CNTN6: variants seen among roughly 807,000 people sequenced by gnomAD.
The protein encoded by CNTN6 is contactin-6.
A neutral mutation model predicts 122.8 loss-of-function variants in CNTN6; 137 were observed. The observed-to-expected ratio is 1.12, with a 90% confidence interval of 0.97 to 1.29. The LOEUF (loss-of-function observed/expected upper bound fraction) is 1.29. Ranked by LOEUF, CNTN6 falls within the 50% of genes most tolerant of loss-of-function variation. The pLI is 0.00. For synonymous variants in CNTN6, 570 were observed against 426.0 expected (o/e 1.34, Z -4.16); for missense variants, 1,634 against 1,223.4 (o/e 1.34, Z -5.01).
chr3:1,105,100 A>G (rs924443130), intron 1 of CNTN6, among the ~76,000 whole-genome samples: 4 of 152,136 alleles, frequency 2.6e-5, no homozygotes, highest in Non-Finnish European at 5.9e-5. Context: ...ATATTACTAA[A>G]TTGTCCTTTA....
chr3:1,364,134 C>T (rs890647753), intron 12 of CNTN6, among the ~76,000 whole-genome samples: 20 of 151,718 alleles, frequency 1.3e-4, no homozygotes, highest in East Asian at 5.8e-4. Context: ...TAAAGAGCAA[C>T]GGAAAGGACT....
intron 2 of CNTN6, among the ~76,000 whole-genome samples, chr3:1,184,714 A>G (rs1417538020): frequency 6.6e-6 from 1 of 152,162 alleles, no homozygotes; most frequent in Non-Finnish European, 1.5e-5. Flanking sequence ...AAAATTAATA[A>G]TAACTATTTG....
chr3:1,247,643 T>C (rs566077046), intron 4 of CNTN6, among the ~76,000 whole-genome samples: 1 of 152,182 alleles, frequency 6.6e-6, no homozygotes. Flanking sequence ...ATAACAACTG[T>C]TTCTGTGAGT....
intron 11 of CNTN6, among the ~76,000 whole-genome samples, chr3:1,344,760 A>G (rs1028566446): frequency 5.9e-5 from 9 of 152,220 alleles, no homozygotes; most frequent in African/African-American, 2.2e-4. Flanking sequence ...AGAGATGAAT[A>G]TAATATTTAA....
chr3:1,388,259 C>A (rs28812317), intron 20 of CNTN6, among the ~76,000 whole-genome samples: 1 of 149,142 alleles, frequency 6.7e-6, no homozygotes, highest in Non-Finnish European at 1.5e-5. Flanking sequence ...TGACCCCTGA[C>A]CCCCGAGCAG....
At chr3:1,181,055 A>G (rs922301387) in intron 2 of CNTN6, among the ~76,000 whole-genome samples, 1 of 151,798 alleles carries the variant, frequency 6.6e-6, no homozygotes, top group Non-Finnish European at 1.5e-5. Flanking sequence ...TTACAACTTC[A>G]TGTTAATCAA....
At chr3:1,102,531 C>A (rs1330138918) in intron 1 of CNTN6, among the ~76,000 whole-genome samples, 1 of 151,216 alleles carries the variant, frequency 6.6e-6, no homozygotes, top group African/African-American at 2.4e-5. Flanking sequence ...GAGATCGAGA[C>A]CATCCTGGCT....
Position 1,372,969 on chromosome 3 carries a change from G to A in CNTN6, c.1786+14G>A. ...TCATTGTTAGAGGTAAGCATAAATG[G>A]TGAAAAAGTGATCACATTGTTTCTT... On this transcript the variant is annotated intron_variant, in intron 14 of 22. Transcript: ENST00000446702. 2 of 1,390,876 alleles carry A rather than the reference G, an allele frequency of 1.4e-6. No individual in the cohort carries two copies. Among genetic ancestry groups the A allele is most frequent in the Non-Finnish European group, 1.0e-6 (1 of 989,846 alleles). The allele number at this position is 1,390,876 out of a possible 1,614,324, so 86.2% of individuals were successfully genotyped here. A position where few individuals can be genotyped will look rare whatever the true frequency, so the allele number is the denominator to read the frequency against.
intron 11 of CNTN6, among the ~76,000 whole-genome samples, chr3:1,332,711 A>G (rs1404947465): frequency 6.6e-6 from 1 of 152,058 alleles, no homozygotes; most frequent in African/African-American, 2.4e-5. Context: ...ATAGAACTTC[A>G]TATGTAAAAT....
chr3:1,278,309 G>A (rs1317044491), intron 4 of CNTN6, 104 bp from the exon 5 acceptor site: 4 of 739,656 alleles, frequency 5.4e-6, no homozygotes, highest in Non-Finnish European at 8.6e-6. Context: ...AGCAAAGTAT[G>A]AGATTAATTC....
chr3:1,259,938 A>G lies in CNTN6; in HGVS notation c.359-18475A>G, dbSNP rs139937844. Among the ~76,000 whole-genome samples the G allele has an allele frequency of 7.4e-3, 1,125 of 152,284 alleles. 5 individuals carry two copies. Among genetic ancestry groups the G allele is most frequent in the Non-Finnish European group, 0.011 (759 of 68,014 alleles). ...GAGGAATAAAGAAATTCTGTGTTTA[A>G]ATGATATGTTAAAACTGCTTTGAAT... is the stretch of plus-strand genomic sequence containing the variant. On this transcript the variant is annotated intron_variant, in intron 4 of 22. Coordinates refer to ENST00000446702, the MANE Select transcript of CNTN6 (RefSeq NM_001289080.2).
intron 2 of CNTN6, among the ~76,000 whole-genome samples, chr3:1,167,402 G>A (rs1339654672): frequency 6.6e-6 from 1 of 152,114 alleles, no homozygotes. Context: ...TTGCCCAGAT[G>A]GGGATCCATA....
chr3:1,223,123 G>C (rs575895081), intron 3 of CNTN6, among the ~76,000 whole-genome samples: 10 of 152,152 alleles, frequency 6.6e-5, no homozygotes, highest in African/African-American at 9.7e-5. Flanking sequence ...TAGATGGTGT[G>C]TGTGTGCATG....
intron 4 of CNTN6, among the ~76,000 whole-genome samples, chr3:1,265,674 C>T (rs1235049705): frequency 6.6e-6 from 1 of 152,118 alleles, no homozygotes; most frequent in African/African-American, 2.4e-5. Context: ...TCTGTTCTCT[C>T]CCCTCCACCA....
intron 19 of CNTN6, 77 bp downstream of exon 19, chr3:1,383,485 C>G (rs1692259655): frequency 9.8e-7 from 1 of 1,025,416 alleles, no homozygotes; most frequent in Non-Finnish European, 1.5e-6. Context: ...ACAGTCCTAT[C>G]CTACTAGCCT....
At chr3:1,313,760 G>C (rs155408) in intron 7 of CNTN6, among the ~76,000 whole-genome samples, 1 of 152,008 alleles carries the variant, frequency 6.6e-6, no homozygotes, top group Non-Finnish European at 1.5e-5. Flanking sequence ...GAATTGGCTT[G>C]TGAACAACAG....
rs111922708 is a variant in CNTN6 at position 1,364,779 on chromosome 3, T to C, written c.1493-7520T>C. Among the ~76,000 whole-genome samples, 700 of 152,102 alleles carry C rather than the reference T, an allele frequency of 4.6e-3. 11 individuals are homozygous for C. Among genetic ancestry groups the C allele is most frequent in the African/African-American group, 0.016 (660 of 41,562 alleles). ...AATGCATTCTGGAAACATCATTGGCTATTATGAAATGTGAATTTCAGTAAG... is the reference window on the plus strand; with the variant it reads ...AATGCATTCTGGAAACATCATTGGCCATTATGAAATGTGAATTTCAGTAAG... On this transcript the variant is annotated intron_variant, in intron 12 of 22. Coordinates refer to ENST00000446702, the MANE Select transcript of CNTN6 (RefSeq NM_001289080.2).
At chr3:1,123,873 T>G (rs1373288103) in intron 1 of CNTN6, among the ~76,000 whole-genome samples, 1 of 151,998 alleles carries the variant, frequency 6.6e-6, no homozygotes, top group East Asian at 1.9e-4. Context: ...CCTAGTTTTC[T>G]GAATGTTTTT....
chr3:1,146,371 C>A (rs2092722979), intron 1 of CNTN6, among the ~76,000 whole-genome samples: 2 of 152,064 alleles, frequency 1.3e-5, no homozygotes, highest in Admixed American at 1.3e-4. Flanking sequence ...CCCACTGTCT[C>A]TCTTTTGTTT....
Sources: gnomAD v4.1 joint callset for allele counts (sites outside exome capture counted in the v4.1 genomes callset) on GRCh38, gnomAD v4.1.1 for gene constraint, MANE v1.5 for transcripts, NCBI Gene and HGNC (gene_info 2026-07-23, HGNC 2026-07-21) for gene names.